Variants in CCNY observed in about 807,000 individuals in gnomAD.
CCNY encodes the protein cyclin-Y.
CCNY carries 19 observed loss-of-function variants against 42.8 expected under a neutral mutation model. The observed-to-expected ratio is 0.44, with a 90% CI of 0.31 to 0.65. CCNY has a LOEUF of 0.65. Ranked by LOEUF, CCNY falls within the 30% of genes least tolerant of loss-of-function variation. The pLI is 0.07. For synonymous variants in CCNY, 165 were observed against 162.7 expected (o/e 1.01, Z -0.11); for missense variants, 370 against 437.3 (o/e 0.85, Z 1.37).
intron 9 of CCNY, among the ~76,000 whole-genome samples, chr10:35,567,084 C>T (rs1184578975): frequency 1.3e-5 from 2 of 152,214 alleles, no homozygotes; most frequent in African/African-American, 4.8e-5. Context: ...CCCCAAAAAG[C>T]ATTTCCCGCA....
At chr10:35,276,717 A>G (rs1835242592) in intron 3 of CCNY, among the ~76,000 whole-genome samples, 1 of 152,158 alleles carries the variant, frequency 6.6e-6, no homozygotes, top group East Asian at 1.9e-4. Context: ...ATCCCCTTTC[A>G]TCAGCCCTGG....
intron 1 of CCNY, among the ~76,000 whole-genome samples, chr10:35,402,711 T>C (rs117088991): frequency 0.01 from 1,582 of 152,014 alleles, 14 homozygotes; most frequent in South Asian, 0.036. Context: ...TAAGAGTAAA[T>C]ATAAAAGTAA....
chr10:35,327,024 C>T (rs982886345), intron 3 of CCNY, among the ~76,000 whole-genome samples: 3 of 152,138 alleles, frequency 2.0e-5, no homozygotes, highest in Non-Finnish European at 4.4e-5. Context: ...CTACAACCTT[C>T]CTTGTTTTAG....
intron 2 of CCNY, among the ~76,000 whole-genome samples, chr10:35,492,996 G>C (rs115899010): frequency 1.1e-3 from 166 of 152,160 alleles, no homozygotes; most frequent in East Asian, 5.2e-3. Context: ...AGGTGCATGG[G>C]GGGGGGAGGG....
At chr10:35,289,329 G>T (rs1197018844) in intron 3 of CCNY, 1 of 152,000 alleles carries the variant, frequency 6.6e-6, no homozygotes, top group Admixed American at 6.6e-5. Flanking sequence ...TATAAATAAA[G>T]ACTGTTTTAC....
chr10:35,517,757 C>G (rs1163159121), intron 4 of CCNY, among the ~76,000 whole-genome samples: 3 of 152,194 alleles, frequency 2.0e-5, no homozygotes, highest in African/African-American at 7.2e-5. Flanking sequence ...GACTAGTGGG[C>G]ATAAACTCAC....
intron 7 of CCNY, among the ~76,000 whole-genome samples, chr10:35,543,183 G>A (rs1398182301): frequency 3.9e-5 from 6 of 152,174 alleles, no homozygotes; most frequent in Admixed American, 3.9e-4. Flanking sequence ...TGTGTTGGGA[G>A]TCCCCAAGAC....
chr10:35,373,711 A>G (rs982828942), intron 1 of CCNY, among the ~76,000 whole-genome samples: 1 of 152,052 alleles, frequency 6.6e-6, no homozygotes, highest in Non-Finnish European at 1.5e-5. Context: ...GATTTTTCTT[A>G]ATAGCAGTTT....
intron 1 of CCNY, among the ~76,000 whole-genome samples, chr10:35,463,762 G>A (rs1413277662): frequency 2.6e-5 from 4 of 152,236 alleles, no homozygotes; most frequent in Non-Finnish European, 4.4e-5. Context: ...AGTAATTTAT[G>A]GATGTAGGCA....
chr10:35,487,525 T>C (rs1839812633), intron 2 of CCNY, among the ~76,000 whole-genome samples: 1 of 152,146 alleles, frequency 6.6e-6, no homozygotes, highest in African/African-American at 2.4e-5. Flanking sequence ...AGCTGTTCAC[T>C]AGACTGATTT....
At chr10:35,338,172 T>A (rs1198319781) in intron 1 of CCNY, among the ~76,000 whole-genome samples, 2 of 152,294 alleles carry the variant, frequency 1.3e-5, no homozygotes, top group Non-Finnish European at 2.9e-5. Flanking sequence ...ATGAAGAAAT[T>A]TTTGTGTGAA....
chr10:35,253,816 A>G (rs2095713607), intron 3 of CCNY, among the ~76,000 whole-genome samples: 1 of 151,136 alleles, frequency 6.6e-6, no homozygotes, highest in Admixed American at 6.6e-5. Flanking sequence ...AATCATTTGC[A>G]TTGTTTTAAA....
chr10:35,446,880 A>T (rs1838801747), intron 1 of CCNY, among the ~76,000 whole-genome samples: 1 of 152,234 alleles, frequency 6.6e-6, no homozygotes, highest in African/African-American at 2.4e-5. Context: ...TGTCGAGATA[A>T]GTTCTAGATT....
chr10:35,256,187 A>G (rs1448888197), intron 3 of CCNY, among the ~76,000 whole-genome samples: 6 of 152,314 alleles, frequency 3.9e-5, no homozygotes, highest in Non-Finnish European at 7.3e-5. Context: ...TAATTCATTT[A>G]CATTTAAAGA....
At chr10:35,555,218 T>G (rs761315301) in intron 8 of CCNY, among the ~76,000 whole-genome samples, 3 of 152,184 alleles carry the variant, frequency 2.0e-5, no homozygotes, top group Non-Finnish European at 2.9e-5. Context: ...CCCCAGCTGA[T>G]TAAGAAAGGC....
intron 7 of CCNY, among the ~76,000 whole-genome samples, chr10:35,535,668 T>A (rs772702520): frequency 3.3e-5 from 5 of 152,338 alleles, no homozygotes; most frequent in Middle Eastern, 3.4e-3. Flanking sequence ...GCATCTGTGC[T>A]GAACATGTAC....
chr10:35,396,180 G>T (rs1002781172), intron 1 of CCNY, among the ~76,000 whole-genome samples: 3 of 152,214 alleles, frequency 2.0e-5, no homozygotes, highest in African/African-American at 7.2e-5. Context: ...ATTGGGTTCA[G>T]TTCTTTATAC....
At chr10:35,433,564 G>A (rs1013087288) in intron 1 of CCNY, among the ~76,000 whole-genome samples, 36 of 152,304 alleles carry the variant, frequency 2.4e-4, no homozygotes, top group Admixed American at 1.2e-3. Flanking sequence ...TAAAAACATG[G>A]ATTTTCTAGT....
At chr10:35,261,024 T>G (rs1220826976) in intron 3 of CCNY, among the ~76,000 whole-genome samples, 1 of 151,906 alleles carries the variant, frequency 6.6e-6, no homozygotes, top group Non-Finnish European at 1.5e-5. Context: ...AGTGGGAGGA[T>G]CACTTGAGCC....
Sources: gnomAD v4.1 joint callset for allele counts (sites outside exome capture counted in the v4.1 genomes callset) on GRCh38, gnomAD v4.1.1 for gene constraint, MANE v1.5 for transcripts, NCBI Gene and HGNC (gene_info 2026-07-23, HGNC 2026-07-21) for gene names.